KDM4C: variants seen among roughly 807,000 people sequenced by gnomAD.
KDM4C encodes the protein lysine-specific demethylase 4C.
Under a neutral mutation model 129.3 loss-of-function variants are expected in KDM4C, and 81 were observed. The observed-to-expected ratio is 0.63, with a 90% CI of 0.52 to 0.75. The LOEUF is 0.75. KDM4C is among the 30% of genes least tolerant of loss of function. The pLI, the probability that KDM4C is intolerant of heterozygous loss-of-function variation, is 0.00. For synonymous variants in KDM4C, 573 were observed against 456.1 expected (o/e 1.26, Z -3.26); for missense variants, 1,457 against 1,304.0 (o/e 1.12, Z -1.81).
intron 8 of KDM4C, chr9:6,948,143 T>C (rs574533444): frequency 8.5e-5 from 13 of 152,364 alleles, no homozygotes; most frequent in African/African-American, 2.9e-4. Flanking sequence ...CTATTTGATA[T>C]TAACTGTAGA....
At chr9:6,811,650 A>G (rs186746199) in intron 3 of KDM4C, among the ~76,000 whole-genome samples, 9 of 152,346 alleles carry the variant, frequency 5.9e-5, no homozygotes, top group Admixed American at 1.3e-4. Flanking sequence ...GCACAGAGCC[A>G]AGTGCTTTCC....
At chr9:6,933,420 A>C (rs1438060314) in intron 8 of KDM4C, among the ~76,000 whole-genome samples, 1 of 152,228 alleles carries the variant, frequency 6.6e-6, no homozygotes, top group East Asian at 1.9e-4. Context: ...TGGTTGAAAT[A>C]AAACAGCATT....
At chr9:7,108,838 T>G (rs1184912499) in intron 18 of KDM4C, among the ~76,000 whole-genome samples, 2 of 152,246 alleles carry the variant, frequency 1.3e-5, no homozygotes, top group Non-Finnish European at 2.9e-5. Context: ...ATAGTAGTTC[T>G]TATCCTGTAT....
chr9:6,808,445 G>A, intron 3 of KDM4C, among the ~76,000 whole-genome samples: 1 of 122,380 alleles, frequency 8.2e-6, no homozygotes, highest in Non-Finnish European at 1.6e-5. Context: ...AGGGTTAAAT[G>A]GATTAAGGGC....
intron 5 of KDM4C, among the ~76,000 whole-genome samples, chr9:6,875,887 C>G (rs1251767287): frequency 6.6e-6 from 1 of 152,198 alleles, no homozygotes. Context: ...GTGATTCTTA[C>G]TAGCAGCACA....
chr9:6,889,258 T>TG (rs973374421), intron 7 of KDM4C, among the ~76,000 whole-genome samples: 2 of 28,638 alleles, frequency 7.0e-5, no homozygotes, highest in African/African-American at 2.4e-4. Context: ...TGTGGGAGGG[T>TG]GGGGGGGATT....
At chr9:6,747,539 C>CA (rs35996555) in intron 1 of KDM4C, among the ~76,000 whole-genome samples, 14,410 of 97,710 alleles carry the variant, frequency 0.15, 1,364 homozygotes, top group African/African-American at 0.18. Context: ...CAGGGCGATT[C>CA]AAAAAAAAAA....
chr9:6,750,843 C>T (rs1275617335), intron 1 of KDM4C, among the ~76,000 whole-genome samples: 1 of 152,168 alleles, frequency 6.6e-6, no homozygotes, highest in African/African-American at 2.4e-5. Context: ...GGTTAGCTGA[C>T]AGTTAACTGC....
chr9:7,168,193 GAAAACCA>G (rs1844601983), intron 20 of KDM4C, among the ~76,000 whole-genome samples: 1 of 151,980 alleles, frequency 6.6e-6, no homozygotes, highest in Non-Finnish European at 1.5e-5. Flanking sequence ...CGTCTCAAGA[GAAAACCA>G]AAAACCAAAA....
chr9:6,856,230 C>T (rs1355425072), intron 5 of KDM4C, among the ~76,000 whole-genome samples: 1 of 151,560 alleles, frequency 6.6e-6, no homozygotes, highest in Non-Finnish European at 1.5e-5. Context: ...TTTAGTGATC[C>T]ATTGAATTAG....
intron 4 of KDM4C, among the ~76,000 whole-genome samples, chr9:6,822,002 C>T (rs1307067630): frequency 6.6e-6 from 1 of 152,142 alleles, no homozygotes; most frequent in Admixed American, 6.5e-5. Flanking sequence ...AAAATCTGAA[C>T]ACCATGGACA....
At chr9:6,745,700 G>A (rs1029742940) in intron 1 of KDM4C, among the ~76,000 whole-genome samples, 2 of 151,980 alleles carry the variant, frequency 1.3e-5, no homozygotes, top group Non-Finnish European at 2.9e-5. Flanking sequence ...GTGCAGTGGC[G>A]TGATCTTGGC....
At chr9:7,057,566 G>T (rs1470470826) in intron 17 of KDM4C, among the ~76,000 whole-genome samples, 1 of 152,254 alleles carries the variant, frequency 6.6e-6, no homozygotes. Context: ...AAAGTTAACA[G>T]TCTGACACAG....
intron 17 of KDM4C, among the ~76,000 whole-genome samples, chr9:7,088,826 T>A (rs1430592550): frequency 1.3e-5 from 2 of 151,830 alleles, no homozygotes; most frequent in Non-Finnish European, 2.9e-5. Flanking sequence ...GAGCCAGGAG[T>A]ACTGTTATTT....
chr9:6,803,292 G>T (rs573603431), intron 2 of KDM4C, among the ~76,000 whole-genome samples: 1 of 152,220 alleles, frequency 6.6e-6, no homozygotes, highest in African/African-American at 2.4e-5. Flanking sequence ...ATTGTTTTAG[G>T]CCAGGCACGG....
At chr9:6,966,547 CAAAT>C (rs1831012745) in intron 8 of KDM4C, among the ~76,000 whole-genome samples, 1 of 152,148 alleles carries the variant, frequency 6.6e-6, no homozygotes, top group African/African-American at 2.4e-5. Context: ...AGATCAGAAA[CAAAT>C]AAGTAAAAAT....
In KDM4C at chr9:7,068,686, C is replaced by T. The variant is rs1210562461; in HGVS notation, c.2424+19486C>T. Reference sequence around the variant, plus strand: ...TTCATACATGTTTATGATGCCCTTTCTTTTTTTTTTTTTTTTTTTTTTTTT... The same window carrying T: ...TTCATACATGTTTATGATGCCCTTTTTTTTTTTTTTTTTTTTTTTTTTTTT... On this transcript the variant is annotated intron_variant, in intron 17 of 21. Coordinates refer to ENST00000381309, the MANE Select transcript of KDM4C (RefSeq NM_015061.6). 4.6e-3 allele frequency among the ~76,000 whole-genome samples: 470 copies of T among 101,548 alleles called. 51 individuals carry two copies. Among genetic ancestry groups the T allele is most frequent in the Non-Finnish European group, 7.1e-3 (372 of 52,084 alleles). The allele number at this position is 101,548 out of a possible 152,430, so 66.6% of individuals were successfully genotyped here. A position where few individuals can be genotyped will look rare whatever the true frequency, so the allele number is the denominator to read the frequency against.
chr9:6,834,899 A>G, intron 4 of KDM4C: 2 of 1,252,616 alleles, frequency 1.6e-6, no homozygotes, highest in Non-Finnish European at 2.3e-6. Context: ...TGGCTGTACC[A>G]CTGGTACCGT....
chr9:7,091,348 C>T (rs907758500), intron 17 of KDM4C, among the ~76,000 whole-genome samples: 2 of 151,990 alleles, frequency 1.3e-5, no homozygotes, highest in African/African-American at 4.8e-5. Context: ...CGGCAAACTT[C>T]ACACAAGTCT....
Sources: allele counts gnomAD v4.1 joint callset (sites outside exome capture counted in the v4.1 genomes callset), GRCh38; gene constraint gnomAD v4.1.1; transcripts MANE v1.5; gene names NCBI Gene and HGNC (gene_info 2026-07-23, HGNC 2026-07-21).